Variants in CAMTA1 observed in about 807,000 individuals in gnomAD.
CAMTA1 encodes calmodulin binding transcription activator 1.
In CAMTA1, 27 loss-of-function variants were observed where a neutral mutation model predicts 170.9. The ratio of observed to expected loss-of-function variants is 0.16; its 90% confidence interval spans 0.12 to 0.22. The LOEUF (loss-of-function observed/expected upper bound fraction) is 0.22, where lower values mean the gene tolerates loss of function less well. CAMTA1 is among the 10% of genes least tolerant of loss of function. The pLI is 1.00. For missense variants in CAMTA1, 1,619 were observed against 2,217.2 expected, an observed-to-expected ratio of 0.73 and a Z score of 5.42; for synonymous variants, 833 against 891.5, an observed-to-expected ratio of 0.93 and a Z score of 1.17.
At chr1:7,569,533 A>T (rs111067970) in intron 6 of CAMTA1, among the ~76,000 whole-genome samples, 22,095 of 150,276 alleles carry the variant, frequency 0.15, 5,269 homozygotes, top group African/African-American at 0.5. Context: ...TCATTCTCCA[A>T]CATCATCATC....
At chr1:6,846,864 A>G (rs1209523192) in intron 3 of CAMTA1, among the ~76,000 whole-genome samples, 1 of 152,224 alleles carries the variant, frequency 6.6e-6, no homozygotes, top group Non-Finnish European at 1.5e-5. Context: ...AAAGGCAGCC[A>G]TAGTCTTGGA....
chr1:6,991,864 A>AT (rs1038456421), intron 3 of CAMTA1, among the ~76,000 whole-genome samples: 23 of 149,678 alleles, frequency 1.5e-4, no homozygotes, highest in South Asian at 2.1e-4. Context: ...ATACCTGGCT[A>AT]TTTTTTTTTG....
At chr1:7,334,928 T>C (rs1379807726) in intron 5 of CAMTA1, among the ~76,000 whole-genome samples, 1 of 152,116 alleles carries the variant, frequency 6.6e-6, no homozygotes, top group Non-Finnish European at 1.5e-5. Context: ...GAACATGTCA[T>C]AGCATGACTT....
intron 6 of CAMTA1, among the ~76,000 whole-genome samples, chr1:7,472,263 A>G (rs1369314301): frequency 6.6e-6 from 1 of 152,138 alleles, no homozygotes; most frequent in Non-Finnish European, 1.5e-5. Flanking sequence ...CGGGGCTCCC[A>G]CATCACTGGA....
chr1:7,357,058 A>T (rs923100841), intron 5 of CAMTA1, among the ~76,000 whole-genome samples: 1 of 152,106 alleles, frequency 6.6e-6, no homozygotes, highest in Non-Finnish European at 1.5e-5. Context: ...TCATTCTGGC[A>T]TCTCCAGCTC....
intron 5 of CAMTA1, among the ~76,000 whole-genome samples, chr1:7,371,727 G>A (rs902565670): frequency 9.2e-5 from 14 of 152,330 alleles, no homozygotes; most frequent in Middle Eastern, 3.4e-3. Context: ...CCACATCCCC[G>A]ACATTCATTT....
At chr1:6,903,770 A>G (rs901985967) in intron 3 of CAMTA1, among the ~76,000 whole-genome samples, 11 of 152,236 alleles carry the variant, frequency 7.2e-5, no homozygotes, top group South Asian at 6.2e-4. Context: ...CCTTCCAGAA[A>G]CTAATGTAGC....
At chr1:7,227,631 A>T (rs914553913) in intron 4 of CAMTA1, among the ~76,000 whole-genome samples, 1 of 152,130 alleles carries the variant, frequency 6.6e-6, no homozygotes, top group Non-Finnish European at 1.5e-5. Flanking sequence ...TCCCAGCCGA[A>T]CTCATCCCTT....
At chr1:7,603,042 G>A (rs143295832) in intron 6 of CAMTA1, among the ~76,000 whole-genome samples, 352 of 152,308 alleles carry the variant, frequency 2.3e-3, no homozygotes, top group African/African-American at 8.2e-3. Flanking sequence ...ACTGTGGTCT[G>A]AGAGACAGCT....
At position 7,534,781 on chromosome 1, in the gene CAMTA1, T is replaced by C. The variant is rs887659567; in HGVS notation, c.510+66880T>C. ...CTGCTGGGTCAGTTTGGGGTTCCAC[T>C]AGCAGTCCTCAACTTTAGAGAAAGG... is the stretch of plus-strand genomic sequence containing the variant. On this transcript the variant is annotated intron_variant, in intron 6 of 22. Coordinates refer to ENST00000303635, the MANE Select transcript of CAMTA1 (RefSeq NM_015215.4). The surrounding 1 kb of genome is among the most constrained non-coding windows in gnomAD (Gnocchi z 5.6). Among the ~76,000 whole-genome samples the C allele has an allele frequency of 2.6e-5, 4 of 152,166 alleles. No individual in the cohort carries two copies. The highest frequency in any genetic ancestry group is 5.9e-5 in the Non-Finnish European group (4 of 68,038).
chr1:7,688,976 A>G (rs2096281818), intron 11 of CAMTA1, among the ~76,000 whole-genome samples: 1 of 152,144 alleles, frequency 6.6e-6, no homozygotes, highest in Non-Finnish European at 1.5e-5. Flanking sequence ...TTTTTAAAAA[A>G]TCAGGCCGGG....
At position 7,276,303 on chromosome 1, in the gene CAMTA1, A is replaced by ATTT. The variant is rs1180773965; in HGVS notation, c.438+26693_438+26695dup. Among the ~76,000 whole-genome samples, 78 of 24,176 alleles carry ATTT rather than the reference A, an allele frequency of 3.2e-3. 12 individuals carry two copies. The highest frequency in any genetic ancestry group is 0.036 in the Middle Eastern group (1 of 28). The allele number at this position is 24,176 out of a possible 152,430, so 15.9% of individuals were successfully genotyped here. On this transcript the variant is annotated intron_variant, in intron 5 of 22. Coordinates refer to ENST00000303635, the MANE Select transcript of CAMTA1 (RefSeq NM_015215.4). ...CATATATATATATATATATATATAT[A>ATTT]TTTTTTTTTTTTTTTTTTCTTTTTG... is the stretch of plus-strand genomic sequence containing the variant.
chr1:6,912,663 C>T (rs1679976859), intron 3 of CAMTA1, among the ~76,000 whole-genome samples: 1 of 152,212 alleles, frequency 6.6e-6, no homozygotes, highest in Non-Finnish European at 1.5e-5. Flanking sequence ...AGCAGCCTGT[C>T]CTCCAGGCGG....
At chr1:7,754,565 T>C (rs1393757801) in intron 21 of CAMTA1, among the ~76,000 whole-genome samples, 1 of 152,232 alleles carries the variant, frequency 6.6e-6, no homozygotes, top group Non-Finnish European at 1.5e-5. Flanking sequence ...CCTTTCACTT[T>C]TGTTTTTAGA....
rs1417240695 is a variant in CAMTA1, at chr1:7,634,097, G to A, written c.511-6303G>A. 1.3e-5 allele frequency among the ~76,000 whole-genome samples: 2 copies of A among 152,162 alleles called. No homozygotes were observed. Among genetic ancestry groups the A allele is most frequent in the African/African-American group, 2.4e-5 (1 of 41,452 alleles). On this transcript the variant is annotated intron_variant, in intron 6 of 22. Transcript: ENST00000303635. This position sits in a 1 kb window ranked among gnomAD's most constrained non-coding sequence, Gnocchi z 6.2. ...TGATCTCAGTGCCAAGGAGCCGTCC[G>A]GAACAGCCCAACCACGCCTGCTGCT...
intron 3 of CAMTA1, among the ~76,000 whole-genome samples, chr1:7,042,644 C>T (rs948843513): frequency 2.0e-5 from 3 of 152,194 alleles, no homozygotes; most frequent in African/African-American, 7.2e-5. Flanking sequence ...AGATGCCGCC[C>T]CAGGTTGGAG....
intron 5 of CAMTA1, among the ~76,000 whole-genome samples, chr1:7,315,771 C>G (rs1677395748): frequency 6.6e-6 from 1 of 152,194 alleles, no homozygotes; most frequent in South Asian, 2.1e-4. Context: ...CTTCCAGTGG[C>G]TGCAGTGATC....
At position 7,248,250 on chromosome 1, in the gene CAMTA1, G is replaced by A. The variant is rs113046292; in HGVS notation, c.303-1241G>A. Among the ~76,000 whole-genome samples the A allele has an allele frequency of 2.0e-5, 3 of 152,182 alleles. No individual in the cohort carries two copies. Among genetic ancestry groups the A allele is most frequent in the Non-Finnish European group, 4.4e-5 (3 of 68,044 alleles). On this transcript the variant is annotated intron_variant, in intron 4 of 22. Transcript: ENST00000303635. The surrounding 1 kb of genome is among the most constrained non-coding windows in gnomAD (Gnocchi z 4.0). Reference sequence around the variant, plus strand: ...TTCGTAGCAAGAAGAAAAGAAAGGCGCTGGAGGGTCTTGCCCCAGCCCTGC... The same window carrying A: ...TTCGTAGCAAGAAGAAAAGAAAGGCACTGGAGGGTCTTGCCCCAGCCCTGC...
In CAMTA1 at chr1:7,025,746, G is replaced by C. The variant is rs78971924; in HGVS notation, c.235-65558G>C. ...TACTTACCAGCTTTGGGGATGGAGT[G>C]GGGGAAGAGGGGCATTGTGGTTTGA... On this transcript the variant is annotated intron_variant, in intron 3 of 22. Coordinates refer to ENST00000303635, the MANE Select transcript of CAMTA1 (RefSeq NM_015215.4). 8.1e-3 allele frequency among the ~76,000 whole-genome samples: 1,240 copies of C among 152,304 alleles called. 63 individuals carry two copies. Among genetic ancestry groups the C allele is most frequent in the East Asian group, 9.1e-3 (47 of 5,184 alleles).
Sources: allele counts gnomAD v4.1 joint callset (sites outside exome capture counted in the v4.1 genomes callset), GRCh38; gene constraint gnomAD v4.1.1; non-coding constraint Gnocchi (gnomAD v3.1); transcripts MANE v1.5; gene names NCBI Gene and HGNC (gene_info 2026-07-23, HGNC 2026-07-21).